Variants in TENM2 observed in about 807,000 individuals in gnomAD.
The protein encoded by TENM2 is teneurin-2.
TENM2 carries 52 observed loss-of-function variants against 245.2 expected under a neutral mutation model. The ratio of observed to expected loss-of-function variants is 0.21; its 90% CI spans 0.17 to 0.27. The LOEUF (loss-of-function observed/expected upper bound fraction) is 0.27, where lower values mean the gene tolerates loss of function less well. TENM2 is among the 10% of genes least tolerant of loss of function. The pLI, the probability that TENM2 is intolerant of heterozygous loss-of-function variation, is 1.00. For missense variants in TENM2, 3,046 were observed against 3,666.8 expected (o/e 0.83, Z 4.37); for synonymous variants, 1,363 against 1,438.9 (o/e 0.95, Z 1.19).
intron 7 of TENM2, among the ~76,000 whole-genome samples, chr5:168,070,739 T>C (rs1223352466): frequency 2.0e-5 from 3 of 149,732 alleles, no homozygotes; most frequent in Non-Finnish European, 3.0e-5. Flanking sequence ...CAGTGTGCCC[T>C]GATTGTGCCA....
chr5:167,669,375 A>G (rs990467813), intron 2 of TENM2, among the ~76,000 whole-genome samples: 1 of 152,222 alleles, frequency 6.6e-6, no homozygotes, highest in African/African-American at 2.4e-5. Context: ...TTTGTTCAAA[A>G]TAAATGTGTG....
Position 168,246,826 on chromosome 5 carries a change from GCCGT to G in TENM2, c.5889_5892del (p.Val1964ProfsTer43). Reference sequence around the variant, plus strand: ...GTATGACTCCTCTGACCGCCTCCTTGCCGTCACCATGCCCAGCGTGGCCCGGCAC... The same window carrying G: ...GTATGACTCCTCTGACCGCCTCCTTGCACCATGCCCAGCGTGGCCCGGCAC... On this transcript the variant is annotated frameshift_variant, in exon 27 of 29. Transcript: ENST00000518659. LOFTEE classifies it high-confidence loss of function. 1 of 1,613,862 alleles carries G rather than the reference GCCGT, an allele frequency of 6.2e-7. No homozygotes were observed. The highest frequency in any genetic ancestry group is 8.5e-7 in the Non-Finnish European group (1 of 1,179,868).
the TENM2 span, among the ~76,000 whole-genome samples, chr5:167,075,860 A>G: frequency 1.2e-3 from 180 of 152,310 alleles, no homozygotes; most frequent in African/African-American, 3.9e-3. Context: ...AAAGGGCCCT[A>G]CAAGGCTTCT....
intron 2 of TENM2, among the ~76,000 whole-genome samples, chr5:167,380,066 A>G (rs1450148207): frequency 6.6e-6 from 1 of 152,120 alleles, no homozygotes; most frequent in Non-Finnish European, 1.5e-5. Context: ...GAAATGAGTT[A>G]TCATGGATTT....
chr5:166,983,586 A>G, the TENM2 span, among the ~76,000 whole-genome samples: 1 of 152,160 alleles, frequency 6.6e-6, no homozygotes, highest in Non-Finnish European at 1.5e-5. Context: ...TATATTCCCC[A>G]TAAAGATTTT....
chr5:167,008,759 C>T, the TENM2 span, among the ~76,000 whole-genome samples: 7 of 152,056 alleles, frequency 4.6e-5, no homozygotes, highest in East Asian at 1.9e-4. Flanking sequence ...GAAACATCCA[C>T]GGTTTGGGAA....
Position 168,244,276 on chromosome 5 carries a change from T to C in TENM2, c.5521-144T>C. 2.9e-6 allele frequency: 2 copies of C among 681,760 alleles called. No homozygotes were observed. The highest frequency in any genetic ancestry group is 4.5e-5 in the South Asian group (1 of 22,304). The allele number at this position is 681,760 out of a possible 1,614,324, so 42.2% of individuals were successfully genotyped here. A position where few individuals can be genotyped will look rare whatever the true frequency, so the allele number is the denominator to read the frequency against. On this transcript the variant is annotated intron_variant, in intron 25 of 28. Coordinates refer to ENST00000518659, the Ensembl canonical transcript of TENM2. The surrounding 1 kb of genome is among the most constrained non-coding windows in gnomAD (Gnocchi z 4.9). Reference sequence around the variant, plus strand: ...TCTATCTGTGCCATGATAAGGAGCTTAGAAAGCACTACTCTAACTTTGGGG... The same window carrying C: ...TCTATCTGTGCCATGATAAGGAGCTCAGAAAGCACTACTCTAACTTTGGGG...
At chr5:168,227,332 TG>T (rs1183456701) in intron 24 of TENM2, among the ~76,000 whole-genome samples, 1 of 151,986 alleles carries the variant, frequency 6.6e-6, no homozygotes, top group Admixed American at 6.6e-5. Context: ...TTCTCTTGAG[TG>T]GGGGTGGTAT....
At chr5:167,201,216 C>G in the TENM2 span, among the ~76,000 whole-genome samples, 1 of 152,068 alleles carries the variant, frequency 6.6e-6, no homozygotes, top group African/African-American at 2.4e-5. Context: ...TTCTACGTAG[C>G]CGACAAAGTT....
the TENM2 span, among the ~76,000 whole-genome samples, chr5:167,204,416 T>G: frequency 6.6e-6 from 1 of 152,042 alleles, no homozygotes; most frequent in East Asian, 1.9e-4. Context: ...GGACCAGAGG[T>G]GAGAAAATCT....
intron 1 of TENM2, among the ~76,000 whole-genome samples, chr5:167,310,173 G>A (rs1476490754): frequency 6.6e-6 from 1 of 152,220 alleles, no homozygotes; most frequent in Non-Finnish European, 1.5e-5. Context: ...GGGATGCATA[G>A]AGCTGTTTTA....
chr5:168,195,356 C>A, intron 15 of TENM2, 61 bp downstream of exon 17: 2 of 1,543,192 alleles, frequency 1.3e-6, no homozygotes, highest in Non-Finnish European at 1.8e-6. Flanking sequence ...AAGGGACAGA[C>A]GGTGCTGTTG....
At chr5:167,902,659 G>A (rs114033233) in intron 3 of TENM2, among the ~76,000 whole-genome samples, 2,941 of 152,196 alleles carry the variant, frequency 0.019, 95 homozygotes, top group African/African-American at 0.067. Flanking sequence ...TATGGCAGCC[G>A]ACTCATCGAG....
At chr5:167,276,574 G>C in the TENM2 span, among the ~76,000 whole-genome samples, 48 of 152,070 alleles carry the variant, frequency 3.2e-4, no homozygotes, top group Non-Finnish European at 4.9e-4. Context: ...TCTGTTTGTA[G>C]TACAATTACC....
intron 13 of TENM2, among the ~76,000 whole-genome samples, chr5:168,170,781 G>A (rs1027351704): frequency 9.3e-5 from 14 of 149,798 alleles, no homozygotes; most frequent in African/African-American, 3.2e-4. Context: ...TGATGCAAAA[G>A]TTATTGTGGT....
intron 7 of TENM2, among the ~76,000 whole-genome samples, chr5:168,068,518 T>C (rs945346147): frequency 3.3e-5 from 5 of 152,312 alleles, no homozygotes; most frequent in African/African-American, 1.2e-4. Context: ...TTAATCTCTG[T>C]ATATGTATGT....
chr5:167,976,324 A>T (rs1003069871), intron 4 of TENM2, among the ~76,000 whole-genome samples: 2 of 152,138 alleles, frequency 1.3e-5, no homozygotes, highest in Non-Finnish European at 2.9e-5. Flanking sequence ...GTGGAATACC[A>T]GTTTTACGGC....
intron 2 of TENM2, among the ~76,000 whole-genome samples, chr5:167,809,033 C>T (rs1766437767): frequency 6.6e-6 from 1 of 152,080 alleles, no homozygotes; most frequent in Non-Finnish European, 1.5e-5. Context: ...TTAAGTTGAA[C>T]AAAGAAATGT....
intron 2 of TENM2, among the ~76,000 whole-genome samples, chr5:167,750,450 G>T (rs138754994): frequency 1.3e-5 from 2 of 152,016 alleles, no homozygotes; most frequent in African/African-American, 4.8e-5. Flanking sequence ...TTTGACCTGC[G>T]CATTTTCTGG....
Sources: gnomAD v4.1 joint callset for allele counts (sites outside exome capture counted in the v4.1 genomes callset) on GRCh38, gnomAD v4.1.1 for gene constraint, Gnocchi (gnomAD v3.1) non-coding constraint, MANE v1.5 for transcripts, NCBI Gene and HGNC (gene_info 2026-07-23, HGNC 2026-07-21) for gene names.